Variants in LRRC4C observed in about 807,000 individuals in gnomAD.
LRRC4C encodes leucine rich repeat containing 4C.
In LRRC4C, 5 loss-of-function variants were observed where a neutral mutation model predicts 33.6. The observed-to-expected ratio is 0.15, with a 90% CI of 0.08 to 0.31. The LOEUF is 0.31. LRRC4C is among the 10% of genes least tolerant of loss of function. The probability of loss-of-function intolerance (pLI) is 1.00; values close to 1 mark genes in which losing one functional copy is unlikely to be tolerated. For missense variants in LRRC4C, 560 were observed against 796.7 expected (o/e 0.70, Z 3.58); for synonymous variants, 329 against 302.0 (o/e 1.09, Z -0.93).
At chr11:40,232,505 G>T (rs903782127) in intron 5 of LRRC4C, among the ~76,000 whole-genome samples, 3 of 152,148 alleles carry the variant, frequency 2.0e-5, no homozygotes, top group Admixed American at 2.0e-4. Flanking sequence ...GACAATAAGG[G>T]TAAACATCAC....
At chr11:41,302,142 A>C (rs1321209193) in intron 1 of LRRC4C, among the ~76,000 whole-genome samples, 1 of 152,222 alleles carries the variant, frequency 6.6e-6, no homozygotes, top group East Asian at 1.9e-4. Context: ...TGACTCAAAA[A>C]TTGGAAATTA....
intron 1 of LRRC4C, among the ~76,000 whole-genome samples, chr11:41,240,202 C>T (rs1327179284): frequency 6.6e-6 from 1 of 152,128 alleles, no homozygotes; most frequent in East Asian, 1.9e-4. Flanking sequence ...CATGAGATTT[C>T]CAGGCTATTA....
At chr11:40,766,411 G>A (rs1448748882) in intron 2 of LRRC4C, among the ~76,000 whole-genome samples, 3 of 106,176 alleles carry the variant, frequency 2.8e-5, no homozygotes, top group African/African-American at 6.9e-5. Context: ...ATCATCTAAA[G>A]GTACAAAACT....
chr11:40,696,286 A>ATATATATATATATGG (rs1355363721), intron 2 of LRRC4C, among the ~76,000 whole-genome samples: 2 of 97,914 alleles, frequency 2.0e-5, no homozygotes, highest in Non-Finnish European at 3.8e-5. Flanking sequence ...TGCCACATAT[A>ATATATATATATATGG]TATATATATA....
At chr11:41,122,496 A>G (rs1280869406) in intron 1 of LRRC4C, among the ~76,000 whole-genome samples, 1 of 152,028 alleles carries the variant, frequency 6.6e-6, no homozygotes, top group Non-Finnish European at 1.5e-5. Flanking sequence ...GATAATATAT[A>G]TATATTATAA....
At chr11:41,203,488 A>C (rs751398616) in intron 1 of LRRC4C, among the ~76,000 whole-genome samples, 3 of 152,182 alleles carry the variant, frequency 2.0e-5, no homozygotes, top group Non-Finnish European at 4.4e-5. Flanking sequence ...CTAACATTTA[A>C]AATAAATTGC....
intron 1 of LRRC4C, among the ~76,000 whole-genome samples, chr11:41,123,906 A>T (rs1328011386): frequency 2.6e-5 from 4 of 152,154 alleles, no homozygotes; most frequent in African/African-American, 9.7e-5. Context: ...GTGTACTCAT[A>T]TTAAGTTTGA....
intron 2 of LRRC4C, among the ~76,000 whole-genome samples, chr11:40,923,688 T>C (rs1462965059): frequency 6.6e-6 from 1 of 152,302 alleles, no homozygotes; most frequent in Middle Eastern, 3.4e-3. Context: ...ACTAGTTTAT[T>C]TGGACTCCTA....
intron 1 of LRRC4C, among the ~76,000 whole-genome samples, chr11:41,117,219 A>G (rs569521418): frequency 6.6e-6 from 1 of 152,198 alleles, no homozygotes; most frequent in African/African-American, 2.4e-5. Context: ...TGAGAACAGA[A>G]CTACCCAGCT....
intron 3 of LRRC4C, among the ~76,000 whole-genome samples, chr11:40,624,436 A>T (rs1962744169): frequency 6.6e-6 from 1 of 152,124 alleles, no homozygotes; most frequent in African/African-American, 2.4e-5. Context: ...GGCAGTGACC[A>T]CTATTCTCAG....
At chr11:41,245,346 T>C (rs747817695) in intron 1 of LRRC4C, among the ~76,000 whole-genome samples, 27 of 152,054 alleles carry the variant, frequency 1.8e-4, no homozygotes, top group African/African-American at 2.7e-4. Flanking sequence ...GAGCCAGGCA[T>C]GGAGCACGAA....
At chr11:40,335,842 C>T (rs1333191473) in intron 3 of LRRC4C, among the ~76,000 whole-genome samples, 1 of 152,132 alleles carries the variant, frequency 6.6e-6, no homozygotes. Context: ...GAGTTCTGGA[C>T]CCAGATAAAC....
intron 3 of LRRC4C, among the ~76,000 whole-genome samples, chr11:40,550,913 G>C (rs570485272): frequency 6.6e-6 from 1 of 152,168 alleles, no homozygotes. Flanking sequence ...CTCCCATGTT[G>C]TAGAGTATTG....
At chr11:40,362,588 G>A (rs958885983) in intron 3 of LRRC4C, among the ~76,000 whole-genome samples, 1 of 151,964 alleles carries the variant, frequency 6.6e-6, no homozygotes, top group African/African-American at 2.4e-5. Context: ...GGTGTGGTGG[G>A]GCACGACTGT....
intron 2 of LRRC4C, among the ~76,000 whole-genome samples, chr11:40,777,587 T>C (rs1950057224): frequency 6.6e-6 from 1 of 151,958 alleles, no homozygotes; most frequent in Admixed American, 6.6e-5. Context: ...TCTGTTTGCA[T>C]GGTAAATCTT....
At chr11:40,123,532 C>G (rs1212496856) in intron 6 of LRRC4C, among the ~76,000 whole-genome samples, 2 of 151,848 alleles carry the variant, frequency 1.3e-5, no homozygotes, top group African/African-American at 2.4e-5. Context: ...AATTAAATAA[C>G]TGAAAGATCT....
intron 1 of LRRC4C, among the ~76,000 whole-genome samples, chr11:40,947,581 A>AT (rs1470754375): frequency 2.0e-5 from 3 of 151,574 alleles, no homozygotes; most frequent in African/African-American, 7.3e-5. Context: ...CTCTCTTCTT[A>AT]TGGTGTTTTT....
chr11:40,908,465 G>C (rs771044710), intron 2 of LRRC4C, among the ~76,000 whole-genome samples: 1 of 151,548 alleles, frequency 6.6e-6, no homozygotes, highest in Non-Finnish European at 1.5e-5. Context: ...TTCAAGATCT[G>C]TCTGTCAAAA....
intron 2 of LRRC4C, among the ~76,000 whole-genome samples, chr11:40,748,786 A>G (rs765047831): frequency 2.4e-4 from 37 of 152,136 alleles, no homozygotes; most frequent in Non-Finnish European, 5.1e-4. Flanking sequence ...GGAATGTAAA[A>G]AGATATTCCA....
Sources: allele counts gnomAD v4.1 joint callset (sites outside exome capture counted in the v4.1 genomes callset), GRCh38; gene constraint gnomAD v4.1.1; transcripts MANE v1.5; gene names NCBI Gene and HGNC (gene_info 2026-07-23, HGNC 2026-07-21).